Variants in SPOCD1 observed in about 807,000 individuals in gnomAD.
SPOCD1 encodes the protein SPOC domain containing 1.
A neutral mutation model predicts 92.2 loss-of-function variants in SPOCD1; 64 were observed. The ratio of observed to expected loss-of-function variants is 0.69; its 90% CI spans 0.57 to 0.86. The LOEUF is 0.86. Among genes scored for constraint, SPOCD1 ranks in the 40% least tolerant of loss-of-function variants. SPOCD1 has a pLI of 0.00. For synonymous variants in SPOCD1, 578 were observed against 619.3 expected (o/e 0.93, Z 0.99); for missense variants, 1,360 against 1,543.1 (o/e 0.88, Z 1.99).
At chr1:31,806,292 T>C (rs901182491) in intron 2 of SPOCD1, among the ~76,000 whole-genome samples, 52 of 152,116 alleles carry the variant, frequency 3.4e-4, no homozygotes, top group African/African-American at 1.2e-3. Context: ...ATATTAATCC[T>C]AATAACTAGA....
In SPOCD1 at chr1:31,790,549, A is replaced by G. The variant is rs1001141687; in HGVS notation, c.*54T>C. On this transcript the variant is annotated 3_prime_UTR_variant, in exon 16 of 16. Coordinates refer to ENST00000360482, the MANE Select transcript of SPOCD1 (RefSeq NM_144569.7). ...TTGCAGTCCCACCTCTCTCTGGAACAGGCTTCAACACTAGTGAGGGCATCA... is the reference window on the plus strand; with the variant it reads ...TTGCAGTCCCACCTCTCTCTGGAACGGGCTTCAACACTAGTGAGGGCATCA... The G allele has an allele frequency of 1.3e-6, 2 of 1,484,998 alleles. No individual in the cohort carries two copies. Among genetic ancestry groups the G allele is most frequent in the African/African-American group, 2.8e-5 (2 of 71,402 alleles). 92.0% of individuals were successfully genotyped at this position (1,484,998 alleles called of 1,614,324 possible).
At chr1:31,809,152 G>A (rs1227407720) in intron 2 of SPOCD1, among the ~76,000 whole-genome samples, 1 of 152,112 alleles carries the variant, frequency 6.6e-6, no homozygotes, top group Non-Finnish European at 1.5e-5. Flanking sequence ...TCATGCCACT[G>A]TACTCCAGCC....
In SPOCD1 at chr1:31,798,555, C is replaced by T. The variant is rs143458300; in HGVS notation, c.1915G>A (p.Gly639Ser). Residue 639 changes from glycine to serine, a missense_variant, in exon 8 of 16, where the codon GGC (glycine) becomes AGC (serine). By Grantham distance (56) the Gly-to-Ser change is moderately conservative (BLOSUM62 0). This residue lies in a region of SPOCD1 where 614 missense variants were observed against 757.8 expected (regional missense o/e 0.81). Coordinates refer to ENST00000360482, the MANE Select transcript of SPOCD1 (RefSeq NM_144569.7). The surrounding 1 kb of genome is among the most constrained non-coding windows in gnomAD (Gnocchi z 4.1). ...GCTGCCTCAATGCCAGCAGCAATGC[C>T]CTCCACCACCTCCTCACTCAGCACT... ...DPVLSEEVVE[G>S]IAAGIEAALW... 1.9e-6 allele frequency: 3 copies of T among 1,613,662 alleles called. No homozygotes were observed. The highest frequency in any genetic ancestry group is 1.7e-6 in the Non-Finnish European group (2 of 1,179,978).
chr1:31,792,740 C>T lies in SPOCD1; in HGVS notation c.2713G>A (p.Gly905Ser). The change falls in exon 14 of 16, where the codon GGC (glycine) becomes AGC (serine). Residue 905 changes from glycine to serine, a missense_variant. Transcript: ENST00000360482. The stretch of plus-strand genomic sequence containing the variant: ...CAGACAATGTTGGAGGGGATGCAGC[C>T]TGCCGAGCGGATCACGGTGGGCAGA... Reference protein sequence around the residue: ...QALPTVIRSAGCIPSNIVWDL... With the variant: ...QALPTVIRSASCIPSNIVWDL... 1 of 1,607,556 alleles carries T rather than the reference C, an allele frequency of 6.2e-7. No individual in the cohort carries two copies. The highest frequency in any genetic ancestry group is 1.3e-5 in the African/African-American group (1 of 74,954).
chr1:31,797,011 G>A (rs1648077882), intron 9 of SPOCD1, among the ~76,000 whole-genome samples: 1 of 152,274 alleles, frequency 6.6e-6, no homozygotes, highest in African/African-American at 2.4e-5. Flanking sequence ...GGAAGGGTGT[G>A]GTGTTGCTGA....
intron 4 of SPOCD1, 44 bp from the exon 5 acceptor site, chr1:31,800,185 C>G (rs1388761678): frequency 6.5e-7 from 1 of 1,543,890 alleles, no homozygotes; most frequent in African/African-American, 1.4e-5. Context: ...AAATGGAGGC[C>G]AGGGACTGTT....
At chr1:31,806,689 G>A (rs1420304941) in intron 2 of SPOCD1, among the ~76,000 whole-genome samples, 5 of 151,886 alleles carry the variant, frequency 3.3e-5, no homozygotes, top group African/African-American at 4.8e-5. Flanking sequence ...TGGATTACAG[G>A]TGCCCACCAC....
chr1:31,807,245 C>A lies in SPOCD1; in HGVS notation c.1384-5540G>T, dbSNP rs1468533948. 2.7e-5 allele frequency among the ~76,000 whole-genome samples: 4 copies of A among 147,700 alleles called. No homozygotes were observed. The East Asian group carries it at 8.2e-4, about 30-fold the overall frequency. On this transcript the variant is annotated intron_variant, in intron 2 of 15. Transcript: ENST00000360482. Reference sequence around the variant, plus strand: ...CCGTGCTAAAAATACAAAAATTAGCCAGACGTGGTGGCACACGCCTGTGAT... The same window carrying A: ...CCGTGCTAAAAATACAAAAATTAGCAAGACGTGGTGGCACACGCCTGTGAT...
At chr1:31,812,869 A>G (rs980865582) in intron 2 of SPOCD1, among the ~76,000 whole-genome samples, 1 of 152,246 alleles carries the variant, frequency 6.6e-6, no homozygotes, top group Non-Finnish European at 1.5e-5. Context: ...ACCTCCGTGG[A>G]CGTCGTGTGA....
intron 2 of SPOCD1, 32 bp downstream of exon 2, chr1:31,813,919 C>T: frequency 6.8e-7 from 1 of 1,460,022 alleles, no homozygotes; most frequent in Admixed American, 2.4e-5. Context: ...TGGCCAGGCC[C>T]TTCCTATCCC....
chr1:31,799,802 C>CCTTCACCTGAGTCCT lies in SPOCD1; in HGVS notation c.1775_1783+6dup. The CCTTCACCTGAGTCCT allele has an allele frequency of 6.2e-7, 1 of 1,613,842 alleles. No homozygotes were observed. The highest frequency in any genetic ancestry group is 8.5e-7 in the Non-Finnish European group (1 of 1,180,018). ...AAGCAGAAGAGGCTCCCTCCAGGGC[C>CCTTCACCTGAGTCCT]CTTCACCTGAGTCCTCTGGCTGCTC... is the stretch of plus-strand genomic sequence containing the variant. On this transcript the variant is annotated splice_region_variant and intron_variant, in intron 6 of 15. Transcript: ENST00000360482.
In SPOCD1 at chr1:31,800,742, G is replaced by C. The variant is rs1249657018; in HGVS notation, c.1426-125C>G. ...CTGGAGTGTAAGCTCCGTGAGGATA[G>C]AGAACATGCCTGTCCTGGTCCCCGC... On this transcript the variant is annotated intron_variant, in intron 3 of 15. Coordinates refer to ENST00000360482, the MANE Select transcript of SPOCD1 (RefSeq NM_144569.7). The C allele has an allele frequency of 7.1e-6, 6 of 849,018 alleles. No homozygotes were observed. The East Asian group carries it at 1.6e-4, about 23-fold the overall frequency. The allele number at this position is 849,018 out of a possible 1,614,324, so 52.6% of individuals were successfully genotyped here.
Position 31,798,938 on chromosome 1 carries a change from C to T in SPOCD1, c.1869-337G>A, listed in dbSNP as rs1278240313. ...ACGGGATGTGTGGAGGGGAGGAAGC[C>T]GGGGTCAGGTCAGAGTAAGGCAGGA... On this transcript the variant is annotated intron_variant, in intron 7 of 15. Coordinates refer to ENST00000360482, the MANE Select transcript of SPOCD1 (RefSeq NM_144569.7). This position sits in a 1 kb window ranked among gnomAD's most constrained non-coding sequence, Gnocchi z 4.1. 7.3e-6 allele frequency: 4 copies of T among 548,292 alleles called. No individual in the cohort carries two copies. The highest frequency in any genetic ancestry group is 5.7e-5 in the African/African-American group (3 of 52,390). The allele number at this position is 548,292 out of a possible 1,614,324, so 34.0% of individuals were successfully genotyped here. A position where few individuals can be genotyped will look rare whatever the true frequency, so the allele number is the denominator to read the frequency against.
intron 15 of SPOCD1, among the ~76,000 whole-genome samples, chr1:31,791,746 T>C (rs1647609303): frequency 6.6e-6 from 1 of 152,218 alleles, no homozygotes; most frequent in Admixed American, 6.5e-5. Flanking sequence ...CTGGGTCAAA[T>C]GTGGCTGTCC....
chr1:31,807,261 C>T (rs1168121626), intron 2 of SPOCD1, among the ~76,000 whole-genome samples: 6 of 146,322 alleles, frequency 4.1e-5, no homozygotes, highest in Non-Finnish European at 9.0e-5. Flanking sequence ...TGGTGGCACA[C>T]GCCTGTGATC....
At chr1:31,799,764 C>T (rs1486293651) in intron 6 of SPOCD1, 45 bp downstream of exon 6, 1 of 1,606,888 alleles carries the variant, frequency 6.2e-7, no homozygotes, top group Admixed American at 1.7e-5. Context: ...CCCCAGACCC[C>T]AGCAGTCTCT....
At position 31,798,232 on chromosome 1, in the gene SPOCD1, C is replaced by T. The variant is rs770069982; in HGVS notation, c.2120G>A (p.Arg707His). 1.1e-5 allele frequency: 17 copies of T among 1,613,974 alleles called. No homozygotes were observed. The highest frequency in any genetic ancestry group is 1.3e-5 in the African/African-American group (1 of 74,942). Residue 707 changes from arginine to histidine, a missense_variant, in exon 9 of 16, where the codon CGC (arginine) becomes CAC (histidine). Arg to His is a conservative substitution (Grantham distance 29). Transcript: ENST00000360482. This position sits in a 1 kb window ranked among gnomAD's most constrained non-coding sequence, Gnocchi z 4.1. ...CCTTTTCTCCTCCTGGTCCCGCCAGCGGGCCAGCTCCTGGGGGGCCAGCTG... is the reference window on the plus strand; with the variant it reads ...CCTTTTCTCCTCCTGGTCCCGCCAGTGGGCCAGCTCCTGGGGGGCCAGCTG... ...SMQLAPQELA[R>H]WRDQEEKRGL...
At chr1:31,811,598 C>A (rs2184202) in intron 2 of SPOCD1, among the ~76,000 whole-genome samples, 86,068 of 152,106 alleles carry the variant, frequency 0.57, 24,383 homozygotes, top group Admixed American at 0.6. Flanking sequence ...TGACCTTGAA[C>A]CTGTCTGCCC....
Position 31,815,084 on chromosome 1 carries a change from C to T in SPOCD1, c.250G>A (p.Glu84Lys), listed in dbSNP as rs781111624. 4.3e-6 allele frequency: 7 copies of T among 1,613,634 alleles called. No homozygotes were observed. The highest frequency in any genetic ancestry group is 5.9e-6 in the Non-Finnish European group (7 of 1,179,984). Residue 84 changes from glutamate (E) to lysine (K), a missense_variant, in exon 2 of 16, where the codon GAG (glutamate) becomes AAG (lysine). Physicochemically the swap from Glu to Lys is moderately conservative, Grantham distance 56. Transcript: ENST00000360482. The part of the protein sequence containing the change: ...GAAEVRPGVL[E>K]LLAVVQSRGS... ...CGGCTCTGTACCACAGCTAGCAGCT[C>T]CAAGACCCCTGGCCGGACCTCAGCA...
Sources: allele counts gnomAD v4.1 joint callset (sites outside exome capture counted in the v4.1 genomes callset), GRCh38; gene constraint gnomAD v4.1.1; regional missense constraint gnomAD v4.1.1; non-coding constraint Gnocchi (gnomAD v3.1); transcripts MANE v1.5; gene names NCBI Gene and HGNC (gene_info 2026-07-23, HGNC 2026-07-21).